The following SUSD4 variants were observed in gnomAD, a reference collection of about 807,000 sequenced individuals.
SUSD4 encodes the protein sushi domain-containing protein 4.
SUSD4 carries 41 observed loss-of-function variants against 50.5 expected under a neutral mutation model. That is an observed-to-expected ratio of 0.81 (90% CI 0.63 to 1.05). SUSD4 has a LOEUF of 1.05. Among genes scored for constraint, SUSD4 ranks in the 50% least tolerant of loss-of-function variants. The pLI is 0.00. For missense variants in SUSD4, 580 were observed against 634.7 expected (o/e 0.91, Z 0.93); for synonymous variants, 257 against 257.3 (o/e 1.00, Z 0.01).
rs535618603 is a variant in SUSD4 at position 223,262,881 on chromosome 1, T to G, written c.724+1749A>C. ...CAGCCAGGGTTTTCCCATCTACTCA[T>G]AGTGGAGGATGGCAGAGGAAAGGGG... is the stretch of plus-strand genomic sequence containing the variant. On this transcript the variant is annotated intron_variant, in intron 5 of 8. Transcript: ENST00000366878. Among the ~76,000 whole-genome samples, 74 of 152,272 alleles carry G rather than the reference T, an allele frequency of 4.9e-4. No homozygotes were observed. In the South Asian group the frequency reaches 0.015, roughly 31 times the overall value.
Position 223,346,754 on chromosome 1 carries a change from G to T in SUSD4, c.148+16524C>A, listed in dbSNP as rs4661256. Among the ~76,000 whole-genome samples, 1,103 of 152,282 alleles carry T rather than the reference G, an allele frequency of 7.2e-3. 34 individuals are homozygous for T. The East Asian group carries it at 0.1, about 14-fold the overall frequency. ...CATTTATGTAAAGCACTTCAAAAGT[G>T]CCTGGTATGAACAAGTAATTGATAA... On this transcript the variant is annotated intron_variant, in intron 2 of 8. Transcript: ENST00000366878.
chr1:223,359,028 T>C (rs1558282971), intron 2 of SUSD4: 1 of 470,996 alleles, frequency 2.1e-6, no homozygotes, highest in Non-Finnish European at 4.4e-6. Context: ...ATGAACCAAA[T>C]GAGGGCTCCA....
chr1:223,274,840 T>A (rs1484699198), intron 3 of SUSD4, among the ~76,000 whole-genome samples: 2 of 152,014 alleles, frequency 1.3e-5, no homozygotes, highest in African/African-American at 4.8e-5. Context: ...CTCAAAAAAA[T>A]TTCAAAACAA....
intron 4 of SUSD4, among the ~76,000 whole-genome samples, chr1:223,266,142 C>T (rs1017053541): frequency 2.0e-5 from 3 of 152,164 alleles, no homozygotes; most frequent in Non-Finnish European, 4.4e-5. Flanking sequence ...TGGGGCCATG[C>T]GGCTCTGCAG....
intron 5 of SUSD4, among the ~76,000 whole-genome samples, chr1:223,239,924 C>G (rs1660466587): frequency 6.6e-6 from 1 of 152,060 alleles, no homozygotes. Context: ...ATATTACTTT[C>G]TTTATCTCTA....
At chr1:223,267,649 T>C (rs1180602937) in intron 4 of SUSD4, among the ~76,000 whole-genome samples, 1 of 152,114 alleles carries the variant, frequency 6.6e-6, no homozygotes, top group African/African-American at 2.4e-5. Flanking sequence ...TAAGCTCTCA[T>C]GTAAGGAAAC....
intron 2 of SUSD4, among the ~76,000 whole-genome samples, chr1:223,312,623 C>G (rs1164991036): frequency 1.3e-5 from 2 of 152,184 alleles, no homozygotes; most frequent in Non-Finnish European, 2.9e-5. Context: ...TTTGAAAACT[C>G]CAAAAGGCTG....
intron 2 of SUSD4, among the ~76,000 whole-genome samples, chr1:223,346,617 T>C (rs954362126): frequency 2.6e-5 from 4 of 152,108 alleles, no homozygotes; most frequent in Admixed American, 6.5e-5. Flanking sequence ...CCACTTCTAA[T>C]TCTAGGACCC....
intron 3 of SUSD4, among the ~76,000 whole-genome samples, chr1:223,270,264 G>A (rs558501218): frequency 6.6e-6 from 1 of 152,154 alleles, no homozygotes; most frequent in Non-Finnish European, 1.5e-5. Context: ...CCGTTAGCTT[G>A]AGAGCAGGGA....
In SUSD4 at chr1:223,222,003, C is replaced by T. The variant is rs1175085872; in HGVS notation, c.*189G>A. On this transcript the variant is annotated 3_prime_UTR_variant, in exon 9 of 9. Coordinates refer to ENST00000366878, the MANE Select transcript of SUSD4 (RefSeq NM_017982.4). ...TGGGTCTTGGTGAATCCTCAAATCTCATTTAAAAGCACTGCCATTGCAGTT... is the reference window on the plus strand; with the variant it reads ...TGGGTCTTGGTGAATCCTCAAATCTTATTTAAAAGCACTGCCATTGCAGTT... 1.7e-6 allele frequency: 1 copy of T among 595,690 alleles called. No homozygotes were observed. Among genetic ancestry groups the T allele is most frequent in the Non-Finnish European group, 2.9e-6 (1 of 343,578 alleles). The allele number at this position is 595,690 out of a possible 1,614,324, so 36.9% of individuals were successfully genotyped here. A position where few individuals can be genotyped will look rare whatever the true frequency, so the allele number is the denominator to read the frequency against.
In SUSD4 at chr1:223,300,308, C is replaced by T. The variant is rs552131184; in HGVS notation, c.149-7657G>A. ...TTCTCAATGAAGGCTGAGATCCCCT[C>T]TTTCTTTTCTCCTAACCAAAAACTG... On this transcript the variant is annotated intron_variant, in intron 2 of 8. Coordinates refer to ENST00000366878, the MANE Select transcript of SUSD4 (RefSeq NM_017982.4). Among the ~76,000 whole-genome samples the T allele has an allele frequency of 4.6e-5, 7 of 152,316 alleles. No homozygotes were observed. The South Asian group carries it at 1.5e-3, about 32-fold the overall frequency.
At chr1:223,239,278 T>A (rs1055097508) in intron 5 of SUSD4, among the ~76,000 whole-genome samples, 1 of 152,082 alleles carries the variant, frequency 6.6e-6, no homozygotes, top group Non-Finnish European at 1.5e-5. Context: ...GAATCATTTT[T>A]AAAAATCTAC....
chr1:223,306,444 T>A (rs1665538461), intron 2 of SUSD4, among the ~76,000 whole-genome samples: 1 of 152,212 alleles, frequency 6.6e-6, no homozygotes, highest in Non-Finnish European at 1.5e-5. Flanking sequence ...AGTCTTGCAT[T>A]TGTAAGTTTT....
At chr1:223,334,842 C>T (rs146101980) in intron 2 of SUSD4, among the ~76,000 whole-genome samples, 28 of 152,220 alleles carry the variant, frequency 1.8e-4, no homozygotes, top group Non-Finnish European at 2.5e-4. Context: ...TCCCTCACCC[C>T]CTTCCTACCC....
chr1:223,263,492 T>C (rs952151549), intron 5 of SUSD4: 18 of 949,728 alleles, frequency 1.9e-5, no homozygotes, highest in Non-Finnish European at 1.9e-5. Flanking sequence ...ATCTCTAGGC[T>C]AGGCTCCAAT....
intron 2 of SUSD4, among the ~76,000 whole-genome samples, chr1:223,315,484 T>C (rs947793708): frequency 1.3e-5 from 2 of 152,214 alleles, no homozygotes; most frequent in African/African-American, 4.8e-5. Flanking sequence ...CTCCGCCAAC[T>C]GGTCCTGTGG....
intron 2 of SUSD4, among the ~76,000 whole-genome samples, chr1:223,304,975 T>C (rs886907421): frequency 2.6e-5 from 4 of 151,326 alleles, no homozygotes; most frequent in Admixed American, 2.6e-4. Context: ...AAGCCTATTC[T>C]TTCTCCTAAC....
intron 2 of SUSD4, among the ~76,000 whole-genome samples, chr1:223,298,983 G>A (rs891719757): frequency 1.3e-4 from 20 of 152,290 alleles, no homozygotes; most frequent in Non-Finnish European, 2.5e-4. Flanking sequence ...AAGAATAAGT[G>A]GTGAAAAGAG....
chr1:223,336,239 C>T (rs922287770), intron 2 of SUSD4, among the ~76,000 whole-genome samples: 1 of 152,142 alleles, frequency 6.6e-6, no homozygotes, highest in Non-Finnish European at 1.5e-5. Context: ...CAAGCGTGAG[C>T]CACTGTGCCC....
Sources: allele counts gnomAD v4.1 joint callset (sites outside exome capture counted in the v4.1 genomes callset), GRCh38; gene constraint gnomAD v4.1.1; transcripts MANE v1.5; gene names NCBI Gene and HGNC (gene_info 2026-07-23, HGNC 2026-07-21).